Variants in ADGRL2 observed in about 807,000 individuals in gnomAD.
The protein encoded by ADGRL2 is adhesion G protein-coupled receptor L2, also known as calcium-independent alpha-latrotoxin receptor 2.
A neutral mutation model predicts 157.4 loss-of-function variants in ADGRL2; 44 were observed. That is an observed-to-expected ratio of 0.28 (90% CI 0.22 to 0.36). The LOEUF (loss-of-function observed/expected upper bound fraction) is 0.36. Ranked by LOEUF, ADGRL2 falls within the 10% of genes least tolerant of loss-of-function variation. ADGRL2 has a pLI of 1.00. For missense variants in ADGRL2, 1,510 were observed against 1,768.9 expected, an observed-to-expected ratio of 0.85 and a Z score of 2.63; for synonymous variants, 585 against 624.7, an observed-to-expected ratio of 0.94 and a Z score of 0.95.
At chr1:81,456,955 C>T (rs2077821042) in intron 2 of ADGRL2, among the ~76,000 whole-genome samples, 1 of 152,076 alleles carries the variant, frequency 6.6e-6, no homozygotes, top group Non-Finnish European at 1.5e-5. Context: ...CTCTCTTCTT[C>T]TCTTCCTTGT....
At chr1:81,819,586 T>A (rs1190404787) in intron 1 of ADGRL2, among the ~76,000 whole-genome samples, 1 of 152,174 alleles carries the variant, frequency 6.6e-6, no homozygotes, top group African/African-American at 2.4e-5. Flanking sequence ...TAATTTTTTT[T>A]AAATACTCAC....
chr1:81,400,288 C>T (rs569266412), intron 1 of ADGRL2, among the ~76,000 whole-genome samples: 5 of 152,062 alleles, frequency 3.3e-5, no homozygotes, highest in East Asian at 1.9e-4. Context: ...TCTTTGGGGC[C>T]CGTGTCAAGA....
intron 1 of ADGRL2, among the ~76,000 whole-genome samples, chr1:81,441,652 C>T (rs1027734545): frequency 1.3e-5 from 2 of 152,098 alleles, no homozygotes; most frequent in Non-Finnish European, 2.9e-5. Context: ...TGCCTCAGCC[C>T]TCAGCCTCCC....
intron 17 of ADGRL2, among the ~76,000 whole-genome samples, chr1:81,973,654 A>G (rs1659397016): frequency 6.6e-6 from 1 of 152,210 alleles, no homozygotes; most frequent in African/African-American, 2.4e-5. Context: ...TTGTTCATTT[A>G]TAGTAGAGCA....
At chr1:81,352,642 C>A (rs1450321850) in intron 1 of ADGRL2, among the ~76,000 whole-genome samples, 1 of 152,128 alleles carries the variant, frequency 6.6e-6, no homozygotes, top group Non-Finnish European at 1.5e-5. Flanking sequence ...TTCCTATCAA[C>A]TTAAGATATG....
intron 1 of ADGRL2, among the ~76,000 whole-genome samples, chr1:81,420,024 T>C (rs1485791329): frequency 6.6e-6 from 1 of 152,194 alleles, no homozygotes; most frequent in East Asian, 1.9e-4. Context: ...ATAATCTTTC[T>C]TTTCCTTGCA....
chr1:81,626,058 T>C (rs2148730575), intron 3 of ADGRL2, among the ~76,000 whole-genome samples: 1 of 152,224 alleles, frequency 6.6e-6, no homozygotes, highest in African/African-American at 2.4e-5. Context: ...TACCGAATGA[T>C]TACAAATTGT....
At chr1:81,706,543 A>G (rs1212960679) in intron 1 of ADGRL2, among the ~76,000 whole-genome samples, 3 of 152,218 alleles carry the variant, frequency 2.0e-5, no homozygotes, top group Non-Finnish European at 4.4e-5. Context: ...CGCAGGGCTA[A>G]CAGCAGAGCT....
intron 2 of ADGRL2, among the ~76,000 whole-genome samples, chr1:81,764,553 C>G (rs960677059): frequency 6.6e-6 from 1 of 151,966 alleles, no homozygotes; most frequent in Non-Finnish European, 1.5e-5. Flanking sequence ...AAAATTATAA[C>G]AGAATTGTTT....
intron 2 of ADGRL2, among the ~76,000 whole-genome samples, chr1:81,555,514 C>G (rs1029027360): frequency 4.2e-4 from 64 of 152,110 alleles, no homozygotes; most frequent in Non-Finnish European, 3.2e-4. Flanking sequence ...AGTGATTCAC[C>G]TGCTTTGGCC....
chr1:81,516,860 G>T (rs932647151), intron 2 of ADGRL2, among the ~76,000 whole-genome samples: 1 of 151,818 alleles, frequency 6.6e-6, no homozygotes, highest in African/African-American at 2.4e-5. Flanking sequence ...AGCTGCCAAA[G>T]TTTCATGTCC....
chr1:81,804,022 T>TA (rs2088735123), intron 1 of ADGRL2, among the ~76,000 whole-genome samples: 2 of 152,198 alleles, frequency 1.3e-5, no homozygotes, highest in African/African-American at 4.8e-5. Context: ...AAATAGGCAC[T>TA]AAAGAGGCAA....
At chr1:81,868,832 A>C (rs775017352) in intron 2 of ADGRL2, among the ~76,000 whole-genome samples, 5 of 152,068 alleles carry the variant, frequency 3.3e-5, no homozygotes, top group African/African-American at 7.2e-5. Flanking sequence ...TGTTGGCTCT[A>C]TCTGGGCAGG....
intron 1 of ADGRL2, among the ~76,000 whole-genome samples, chr1:81,436,873 T>C (rs2077419384): frequency 6.6e-6 from 1 of 152,152 alleles, no homozygotes; most frequent in South Asian, 2.1e-4. Flanking sequence ...TAGCTATTTT[T>C]CCTATACAGA....
chr1:81,730,510 G>A (rs1253571188), intron 1 of ADGRL2, among the ~76,000 whole-genome samples: 1 of 152,128 alleles, frequency 6.6e-6, no homozygotes, highest in African/African-American at 2.4e-5. Flanking sequence ...ATCACTTGAG[G>A]TCAGGAGTTC....
At chr1:81,971,787 ATT>A in intron 16 of ADGRL2, 63 bp from the exon 17 acceptor site, 1 of 857,188 alleles carries the variant, frequency 1.2e-6, no homozygotes, top group Non-Finnish European at 1.9e-6. Context: ...TTAAAATCCT[ATT>A]TTCCTTGTGA....
At chr1:81,728,765 T>C (rs1386174895) in intron 1 of ADGRL2, among the ~76,000 whole-genome samples, 1 of 152,192 alleles carries the variant, frequency 6.6e-6, no homozygotes, top group Non-Finnish European at 1.5e-5. Context: ...CCTCTCTCTC[T>C]GCTGTAGTGC....
At chr1:81,398,772 G>A (rs943742315) in intron 1 of ADGRL2, among the ~76,000 whole-genome samples, 2 of 152,090 alleles carry the variant, frequency 1.3e-5, no homozygotes, top group Non-Finnish European at 2.9e-5. Flanking sequence ...TCTGCTGACA[G>A]TCTAATGGAG....
At chr1:81,336,509 G>C (rs1206294961) in intron 1 of ADGRL2, among the ~76,000 whole-genome samples, 2 of 152,086 alleles carry the variant, frequency 1.3e-5, no homozygotes, top group Non-Finnish European at 2.9e-5. Flanking sequence ...AATTGCACTT[G>C]TAATATTCTT....
Sources: allele counts gnomAD v4.1 joint callset (sites outside exome capture counted in the v4.1 genomes callset), GRCh38; gene constraint gnomAD v4.1.1; transcripts MANE v1.5; gene names NCBI Gene and HGNC (gene_info 2026-07-23, HGNC 2026-07-21).